FBXW8: variants seen among roughly 807,000 people sequenced by gnomAD.
FBXW8 encodes F-box/WD repeat-containing protein 8.
Under a neutral mutation model 65.3 loss-of-function variants are expected in FBXW8, and 57 were observed. That is an observed-to-expected ratio of 0.87 (90% CI 0.71 to 1.09). The LOEUF (loss-of-function observed/expected upper bound fraction) is 1.09. Ranked by LOEUF, FBXW8 falls within the 50% of genes least tolerant of loss-of-function variation. The pLI, the probability that FBXW8 is intolerant of heterozygous loss-of-function variation, is 0.00. For synonymous variants in FBXW8, 308 were observed against 330.2 expected (o/e 0.93, Z 0.73); for missense variants, 777 against 814.8 (o/e 0.95, Z 0.57).
In FBXW8 at chr12:116,961,746, G is replaced by T. The variant is rs572379925; in HGVS notation, c.678-2951G>T. 6.6e-6 allele frequency among the ~76,000 whole-genome samples: 1 copy of T among 152,206 alleles called. No individual in the cohort carries two copies. The highest frequency in any genetic ancestry group is 6.5e-5 in the Admixed American group (1 of 15,286). On this transcript the variant is annotated intron_variant, in intron 4 of 10. Coordinates refer to ENST00000652555, the MANE Select transcript of FBXW8 (RefSeq NM_153348.3). The surrounding 1 kb of genome is among the most constrained non-coding windows in gnomAD (Gnocchi z 4.4). ...CATGCACCACTGCCATGACGGAGAC[G>T]TCCAGGCTGCCGTGAAGGTAGATCG...
chr12:117,005,242 C>T (rs1040062016), intron 7 of FBXW8, among the ~76,000 whole-genome samples: 1 of 152,192 alleles, frequency 6.6e-6, no homozygotes, highest in Non-Finnish European at 1.5e-5. Context: ...TCTTTGGGGT[C>T]TGAGACTATA....
At chr12:117,018,437 G>GTATT (rs1194877446) in intron 8 of FBXW8, among the ~76,000 whole-genome samples, 1 of 152,214 alleles carries the variant, frequency 6.6e-6, no homozygotes, top group Non-Finnish European at 1.5e-5. Flanking sequence ...CCAGCGTCGA[G>GTATT]TATTTGGTTT....
At chr12:116,983,326 A>G (rs1271215137) in intron 5 of FBXW8, among the ~76,000 whole-genome samples, 2 of 152,210 alleles carry the variant, frequency 1.3e-5, no homozygotes, top group Non-Finnish European at 2.9e-5. Flanking sequence ...ATTTGCCAAA[A>G]TAATTGCCAG....
At chr12:117,024,402 G>A (rs1954177791) in intron 9 of FBXW8, 82 bp downstream of exon 9, 3 of 1,523,134 alleles carry the variant, frequency 2.0e-6, no homozygotes, top group South Asian at 1.2e-5. Flanking sequence ...CAGGCACGGT[G>A]CTAAATGCCC....
intron 4 of FBXW8, among the ~76,000 whole-genome samples, chr12:116,953,329 G>C (rs1468496472): frequency 3.3e-5 from 5 of 152,220 alleles, no homozygotes; most frequent in African/African-American, 9.6e-5. Flanking sequence ...GGGTGTGCGT[G>C]AGTGGAGCCG....
At chr12:117,004,129 C>T (rs529535312) in intron 7 of FBXW8, among the ~76,000 whole-genome samples, 1 of 152,318 alleles carries the variant, frequency 6.6e-6, no homozygotes, top group African/African-American at 2.4e-5. Context: ...CCCAATTCCT[C>T]AACTCGGTAT....
intron 4 of FBXW8, among the ~76,000 whole-genome samples, chr12:116,958,512 T>C (rs1187202208): frequency 6.6e-6 from 1 of 152,202 alleles, no homozygotes; most frequent in East Asian, 1.9e-4. Context: ...AGTAGATTCA[T>C]TCATTCCGTC....
At chr12:116,980,520 A>C (rs1459679240) in intron 5 of FBXW8, 4 of 152,238 alleles carry the variant, frequency 2.6e-5, no homozygotes, top group Non-Finnish European at 4.4e-5. Context: ...AAAAGGACAC[A>C]GTCTTGCCAT....
At chr12:116,981,118 A>G (rs1219089127) in intron 5 of FBXW8, among the ~76,000 whole-genome samples, 3 of 152,232 alleles carry the variant, frequency 2.0e-5, no homozygotes, top group East Asian at 1.9e-4. Context: ...CAGCCACACT[A>G]TTATAGAGCA....
At chr12:116,953,942 C>T (rs1883454740) in intron 4 of FBXW8, among the ~76,000 whole-genome samples, 1 of 151,752 alleles carries the variant, frequency 6.6e-6, no homozygotes, top group Non-Finnish European at 1.5e-5. Flanking sequence ...GGTGAAACCC[C>T]ATCTCTACTA....
Position 116,955,490 on chromosome 12 carries a change from C to T in FBXW8, c.677+5784C>T, listed in dbSNP as rs141932137. 1.6e-4 allele frequency among the ~76,000 whole-genome samples: 24 copies of T among 152,318 alleles called. No individual in the cohort carries two copies. In the East Asian group the frequency reaches 4.2e-3, roughly 27 times the overall value. On this transcript the variant is annotated intron_variant, in intron 4 of 10. Coordinates refer to ENST00000652555, the MANE Select transcript of FBXW8 (RefSeq NM_153348.3). ...GCATTTGTATCTGTGATCTGCTGGA[C>T]CTCCTGAAATGCTAGCGAGGTTTAG...
chr12:116,938,587 C>A (rs140973735), intron 2 of FBXW8, among the ~76,000 whole-genome samples: 1 of 152,108 alleles, frequency 6.6e-6, no homozygotes, highest in Non-Finnish European at 1.5e-5. Context: ...CTTTAAGGTC[C>A]GACATATTTG....
chr12:116,981,269 G>T (rs966425492), intron 5 of FBXW8, among the ~76,000 whole-genome samples: 4 of 152,190 alleles, frequency 2.6e-5, no homozygotes, highest in Non-Finnish European at 5.9e-5. Flanking sequence ...GTTAGCTTCT[G>T]TATCTATTCC....
At chr12:116,916,000 A>G (rs1356667065) in intron 1 of FBXW8, among the ~76,000 whole-genome samples, 2 of 152,078 alleles carry the variant, frequency 1.3e-5, no homozygotes, top group Admixed American at 1.3e-4. Flanking sequence ...TGAACTGTAT[A>G]TTAAGTGGAG....
chr12:116,976,619 TA>T (rs1592911722), intron 5 of FBXW8, among the ~76,000 whole-genome samples: 1 of 115,998 alleles, frequency 8.6e-6, no homozygotes, highest in South Asian at 2.9e-4. Context: ...CCACACCGGC[TA>T]ATTTTTTTTT....
rs567743607 is a variant in FBXW8 at position 116,995,976 on chromosome 12, C to T, written c.1239+7107C>T. Among the ~76,000 whole-genome samples, 7 of 152,268 alleles carry T rather than the reference C, an allele frequency of 4.6e-5. No homozygotes were observed. In the East Asian group the frequency reaches 1.2e-3, roughly 25 times the overall value. On this transcript the variant is annotated intron_variant, in intron 7 of 10. Coordinates refer to ENST00000652555, the MANE Select transcript of FBXW8 (RefSeq NM_153348.3). ...ATAATCTTTATTAATTCTTTTGCTG[C>T]CTGAATTAAATTCTGCTCTCAGAGG...
chr12:116,997,504 G>A lies in FBXW8; in HGVS notation c.1239+8635G>A, dbSNP rs118123066. On this transcript the variant is annotated intron_variant, in intron 7 of 10. Coordinates refer to ENST00000652555, the MANE Select transcript of FBXW8 (RefSeq NM_153348.3). ...CATGTGGATACTGGAGCTAATACCC[G>A]AGAAAGGTAATGTCCTTTGTATGTG... is the stretch of plus-strand genomic sequence containing the variant. Among the ~76,000 whole-genome samples, 705 of 152,288 alleles carry A rather than the reference G, an allele frequency of 4.6e-3. 1 individual carries two copies. The highest frequency in any genetic ancestry group is 7.6e-3 in the Non-Finnish European group (519 of 68,018).
At chr12:116,969,805 C>T (rs187997658) in intron 5 of FBXW8, among the ~76,000 whole-genome samples, 240 of 151,864 alleles carry the variant, frequency 1.6e-3, no homozygotes, top group African/African-American at 5.6e-3. Context: ...CTCTTTGCTC[C>T]GTAGGAACAC....
Position 116,949,632 on chromosome 12 carries a change from C to T in FBXW8, c.603C>T (p.Ala201=), listed in dbSNP as rs753094701. The T allele has an allele frequency of 1.9e-6, 3 of 1,614,144 alleles. No individual in the cohort carries two copies. Among genetic ancestry groups the T allele is most frequent in the Non-Finnish European group, 2.5e-6 (3 of 1,180,028 alleles). ...LRTNWKNRKG[A]VSELEHVPDT... The stretch of plus-strand genomic sequence containing the variant: ...TCCTCACGCAGAATCGCAAAGGTGC[C>T]GTGAGCGAGCTGGAGCATGTTCCTG... Residue 201 remains alanine, a synonymous_variant, in exon 4 of 11, where the codon GCC becomes GCT. Transcript: ENST00000652555.
Sources: allele counts gnomAD v4.1 joint callset (sites outside exome capture counted in the v4.1 genomes callset), GRCh38; gene constraint gnomAD v4.1.1; non-coding constraint Gnocchi (gnomAD v3.1); transcripts MANE v1.5; gene names NCBI Gene and HGNC (gene_info 2026-07-23, HGNC 2026-07-21).